Variants in HDX observed in about 807,000 individuals in gnomAD.
HDX encodes chromosome X open reading frame 43.
In HDX, 19 loss-of-function variants were observed where a neutral mutation model predicts 45.2. That is an observed-to-expected ratio of 0.42 (90% confidence interval 0.29 to 0.62). The LOEUF (loss-of-function observed/expected upper bound fraction) is 0.62, where lower values mean the gene tolerates loss of function less well. Among genes scored for constraint, HDX ranks in the 20% least tolerant of loss-of-function variants. The pLI, the probability that HDX is intolerant of heterozygous loss-of-function variation, is 0.20. For missense variants in HDX, 532 were observed against 493.9 expected, an observed-to-expected ratio of 1.08 and a Z score of -0.73; for synonymous variants, 188 against 172.8, an observed-to-expected ratio of 1.09 and a Z score of -0.69.
chrX:84,398,621 G>A (rs780394582), intron 5 of HDX, among the ~76,000 whole-genome samples: 24 of 111,659 alleles, frequency 2.1e-4, no homozygotes, highest in African/African-American at 7.5e-4. Flanking sequence ...AATAATAGTG[G>A]GAGACTTTAT....
intron 4 of HDX, among the ~76,000 whole-genome samples, chrX:84,458,285 A>C (rs1426839451): frequency 9.9e-6 from 1 of 100,761 alleles, no homozygotes; most frequent in Non-Finnish European, 1.9e-5. Context: ...TGCACTATCA[A>C]AAAAAAAATC....
intron 3 of HDX, 74 bp downstream of exon 3, chrX:84,475,177 A>AT: frequency 1.1e-6 from 1 of 893,187 alleles, no homozygotes; most frequent in South Asian, 2.3e-5. Context: ...TACCCTGAAT[A>AT]TTTTTTCTCA....
chrX:84,480,791 T>C (rs1569369607), intron 2 of HDX, among the ~76,000 whole-genome samples: 1 of 110,980 alleles, frequency 9.0e-6, no homozygotes, highest in African/African-American at 3.3e-5. Flanking sequence ...TTTTTTAGTC[T>C]ATTTTTGTGA....
rs192106849 is a variant in HDX, at chrX:84,453,297, T to C, written c.1252-12712A>G. Among the ~76,000 whole-genome samples the C allele has an allele frequency of 8.9e-5, 10 of 112,283 alleles. No homozygotes were observed. The Admixed American group carries it at 9.4e-4, about 11-fold the overall frequency. ...ATCACAGTACTTGGCTTTAACTTAA[T>C]ATCACTGAAAGAGGCAATGAAGAGG... On this transcript the variant is annotated intron_variant, in intron 4 of 10. Transcript: ENST00000373177.
At chrX:84,413,435 C>T (rs1252399074) in intron 5 of HDX, among the ~76,000 whole-genome samples, 1 of 111,743 alleles carries the variant, frequency 8.9e-6, no homozygotes, top group African/African-American at 3.3e-5. Flanking sequence ...CTCAGCACTC[C>T]TGTGCTGTGT....
intron 5 of HDX, among the ~76,000 whole-genome samples, chrX:84,393,300 G>A (rs941802212): frequency 4.5e-5 from 5 of 111,441 alleles, no homozygotes; most frequent in African/African-American, 1.6e-4. Flanking sequence ...TCTTCATTCT[G>A]TTGATGTGGT....
At chrX:84,406,169 A>G (rs374168989) in intron 5 of HDX, among the ~76,000 whole-genome samples, 10 of 110,976 alleles carry the variant, frequency 9.0e-5, no homozygotes, top group Non-Finnish European at 1.7e-4. Context: ...CCAGAATATG[A>G]CACATGATTT....
chrX:84,418,517 C>G (rs1471820203), intron 5 of HDX, among the ~76,000 whole-genome samples: 4 of 111,330 alleles, frequency 3.6e-5, no homozygotes, highest in Non-Finnish European at 7.5e-5. Flanking sequence ...TACTTTTGCA[C>G]CAACCCAATA....
At chrX:84,470,172 T>G (rs1016500859) in intron 3 of HDX, among the ~76,000 whole-genome samples, 1 of 111,596 alleles carries the variant, frequency 9.0e-6, no homozygotes, top group African/African-American at 3.3e-5. Flanking sequence ...TATTGCCATA[T>G]ACCTCATCGT....
At chrX:84,500,692 G>A (rs184976949) in intron 1 of HDX, among the ~76,000 whole-genome samples, 41 of 111,268 alleles carry the variant, frequency 3.7e-4, no homozygotes, top group African/African-American at 1.3e-3. Context: ...ACGTGGAGGG[G>A]ACAGTAATGG....
chrX:84,355,293 C>A (rs2037454427), intron 6 of HDX, among the ~76,000 whole-genome samples: 1 of 110,661 alleles, frequency 9.0e-6, no homozygotes, highest in Admixed American at 9.7e-5. Flanking sequence ...TCCACTATAA[C>A]CATAACACAG....
At chrX:84,374,849 C>T (rs1371187221) in intron 5 of HDX, among the ~76,000 whole-genome samples, 1 of 99,475 alleles carries the variant, frequency 1.0e-5, no homozygotes, top group Non-Finnish European at 2.0e-5. Context: ...GACTTCATGT[C>T]TAAAACACCA....
intron 5 of HDX, among the ~76,000 whole-genome samples, chrX:84,405,698 G>A (rs895079199): frequency 2.1e-5 from 2 of 96,939 alleles, no homozygotes; most frequent in African/African-American, 3.7e-5. Context: ...AAAGTATTAC[G>A]GAATGCTACT....
chrX:84,450,107 A>AT (rs1190498133), intron 4 of HDX, among the ~76,000 whole-genome samples: 4 of 111,000 alleles, frequency 3.6e-5, no homozygotes, highest in African/African-American at 1.3e-4. Context: ...AAGTATAATA[A>AT]AAAAAAAGGA....
At chrX:84,359,488 CA>C (rs2037567151) in intron 6 of HDX, among the ~76,000 whole-genome samples, 1 of 111,060 alleles carries the variant, frequency 9.0e-6, no homozygotes. Context: ...TAATGGCTTC[CA>C]ACTTCATCCA....
intron 5 of HDX, among the ~76,000 whole-genome samples, chrX:84,367,208 T>G (rs1342582281): frequency 8.9e-6 from 1 of 111,896 alleles, no homozygotes; most frequent in Non-Finnish European, 1.9e-5. Context: ...TAAACACTTC[T>G]CAAAGAAAGA....
chrX:84,424,705 T>C (rs2039345499), intron 5 of HDX, among the ~76,000 whole-genome samples: 1 of 110,979 alleles, frequency 9.0e-6, no homozygotes, highest in Non-Finnish European at 1.9e-5. Context: ...GAACATACAC[T>C]GGGAAAAAGA....
chrX:84,378,999 G>A (rs2038122852), intron 5 of HDX, among the ~76,000 whole-genome samples: 1 of 110,193 alleles, frequency 9.1e-6, no homozygotes, highest in Non-Finnish European at 1.9e-5. Context: ...AAAAAGATTA[G>A]GAGTTGCTAT....
chrX:84,322,589 C>A (rs1482612390), intron 10 of HDX, among the ~76,000 whole-genome samples: 2 of 110,252 alleles, frequency 1.8e-5, no homozygotes, highest in African/African-American at 6.6e-5. Context: ...GGCCAAGCAC[C>A]CACCAGGGCA....
Sources: allele counts gnomAD v4.1 joint callset (sites outside exome capture counted in the v4.1 genomes callset), GRCh38; gene constraint gnomAD v4.1.1; transcripts MANE v1.5; gene names NCBI Gene and HGNC (gene_info 2026-07-23, HGNC 2026-07-21).